GRID1: variants seen among roughly 807,000 people sequenced by gnomAD.
The protein encoded by GRID1 is glutamate receptor ionotropic, delta-1.
GRID1 carries 28 observed loss-of-function variants against 98.0 expected under a neutral mutation model. The ratio of observed to expected loss-of-function variants is 0.29; its 90% CI spans 0.21 to 0.39. The LOEUF (loss-of-function observed/expected upper bound fraction) is 0.39. Among genes scored for constraint, GRID1 ranks in the 10% least tolerant of loss-of-function variants. GRID1 has a pLI of 1.00. For missense variants in GRID1, 1,111 were observed against 1,340.5 expected (o/e 0.83, Z 2.67); for synonymous variants, 553 against 538.5 (o/e 1.03, Z -0.37).
intron 12 of GRID1, among the ~76,000 whole-genome samples, chr10:85,679,355 C>G (rs907143297): frequency 2.6e-5 from 4 of 152,176 alleles, no homozygotes; most frequent in African/African-American, 9.7e-5. Context: ...TACAGTATAT[C>G]CAGTAGGAAT....
chr10:85,751,224 G>A (rs2132686377), intron 8 of GRID1, among the ~76,000 whole-genome samples: 1 of 152,284 alleles, frequency 6.6e-6, no homozygotes, highest in South Asian at 2.1e-4. Flanking sequence ...GGTTGCCCTG[G>A]TTACAGGCCC....
At chr10:85,674,365 T>C (rs1841120908) in intron 12 of GRID1, among the ~76,000 whole-genome samples, 1 of 152,182 alleles carries the variant, frequency 6.6e-6, no homozygotes, top group Non-Finnish European at 1.5e-5. Context: ...AGAAATCCGA[T>C]GAATAAGAAC....
chr10:86,310,440 G>A (rs956711717), intron 2 of GRID1, among the ~76,000 whole-genome samples: 3 of 152,070 alleles, frequency 2.0e-5, no homozygotes, highest in Admixed American at 6.5e-5. Flanking sequence ...CCCTGTGTGG[G>A]GTAGAGGGGT....
chr10:85,966,157 C>G (rs1036295426), intron 4 of GRID1, among the ~76,000 whole-genome samples: 1 of 152,186 alleles, frequency 6.6e-6, no homozygotes, highest in Admixed American at 6.5e-5. Flanking sequence ...GTAGGAAAAG[C>G]CCTGTCCTTA....
At chr10:85,942,888 C>T (rs1036064798) in intron 4 of GRID1, among the ~76,000 whole-genome samples, 1 of 152,198 alleles carries the variant, frequency 6.6e-6, no homozygotes, top group African/African-American at 2.4e-5. Flanking sequence ...AATAAAGATA[C>T]ACAGCTTAGT....
chr10:85,894,961 T>A (rs1229353197), intron 5 of GRID1, among the ~76,000 whole-genome samples: 1 of 146,294 alleles, frequency 6.8e-6, no homozygotes, highest in Non-Finnish European at 1.5e-5. Flanking sequence ...TGAACCAAGA[T>A]TGTGTCACTG....
intron 4 of GRID1, among the ~76,000 whole-genome samples, chr10:85,936,072 G>T (rs78277397): frequency 1.1e-3 from 165 of 152,156 alleles, no homozygotes; most frequent in African/African-American, 3.7e-3. Context: ...TGGTGTAGGG[G>T]TTCTATGGAG....
chr10:85,787,075 A>T (rs1286887848), intron 8 of GRID1, among the ~76,000 whole-genome samples: 1 of 152,180 alleles, frequency 6.6e-6, no homozygotes, highest in African/African-American at 2.4e-5. Context: ...AGAGCACAGC[A>T]CCCATGGAAG....
chr10:86,212,434 AG>A (rs897702892), intron 2 of GRID1, among the ~76,000 whole-genome samples: 1 of 152,224 alleles, frequency 6.6e-6, no homozygotes, highest in African/African-American at 2.4e-5. Context: ...CCACCTGGGG[AG>A]AAACAACCTG....
In GRID1 at chr10:86,219,210, G is replaced by A. The variant is rs1444434715; in HGVS notation, c.236-12562C>T. On this transcript the variant is annotated intron_variant, in intron 2 of 15. Transcript: ENST00000327946. ...TGGCCTGAAGCCTGCCAATGGGCAG[G>A]TCTAGCCCATTCCCTCAAGGGGAAT... 7.2e-5 allele frequency among the ~76,000 whole-genome samples: 11 copies of A among 152,284 alleles called. 4 individuals carry two copies. The highest frequency in any genetic ancestry group is 6.5e-4 in the Admixed American group (10 of 15,300).
chr10:85,862,496 T>C (rs765966097), intron 6 of GRID1, among the ~76,000 whole-genome samples: 4 of 152,148 alleles, frequency 2.6e-5, no homozygotes, highest in African/African-American at 7.2e-5. Flanking sequence ...TTCCCTGAGA[T>C]AGCAGGATCC....
chr10:85,790,748 A>G (rs1489955100), intron 8 of GRID1, among the ~76,000 whole-genome samples: 1 of 152,198 alleles, frequency 6.6e-6, no homozygotes, highest in Non-Finnish European at 1.5e-5. Context: ...CATCTGAGAC[A>G]GAGAACAGCA....
At chr10:86,099,483 C>T (rs1034240329) in intron 4 of GRID1, among the ~76,000 whole-genome samples, 2 of 152,096 alleles carry the variant, frequency 1.3e-5, no homozygotes, top group African/African-American at 2.4e-5. Flanking sequence ...CGAGAAGCCA[C>T]GACCCAGGCC....
chr10:86,125,162 G>A (rs970637902), intron 4 of GRID1, among the ~76,000 whole-genome samples: 1 of 152,212 alleles, frequency 6.6e-6, no homozygotes, highest in African/African-American at 2.4e-5. Flanking sequence ...TCTGGCAGTC[G>A]AACATAAAAG....
intron 2 of GRID1, among the ~76,000 whole-genome samples, chr10:86,275,280 A>AT (rs1847252034): frequency 6.6e-6 from 1 of 152,198 alleles, no homozygotes; most frequent in Non-Finnish European, 1.5e-5. Context: ...CTAAAAAAAA[A>AT]CAGCAGCCTC....
intron 3 of GRID1, among the ~76,000 whole-genome samples, chr10:86,144,522 G>C (rs749663418): frequency 6.6e-6 from 1 of 152,084 alleles, no homozygotes; most frequent in African/African-American, 2.4e-5. Flanking sequence ...CTGCTTGCCC[G>C]GTACATCCCG....
intron 8 of GRID1, among the ~76,000 whole-genome samples, chr10:85,796,477 T>A (rs1181176822): frequency 6.6e-6 from 1 of 152,156 alleles, no homozygotes; most frequent in African/African-American, 2.4e-5. Flanking sequence ...AGTAAATGTC[T>A]CCAACTTATG....
intron 8 of GRID1, among the ~76,000 whole-genome samples, chr10:85,768,258 C>A (rs1842216475): frequency 6.6e-6 from 1 of 152,036 alleles, no homozygotes. Context: ...ACACAACACA[C>A]AATACACCAG....
At chr10:86,121,559 CATT>C (rs1844675214) in intron 4 of GRID1, among the ~76,000 whole-genome samples, 1 of 142,208 alleles carries the variant, frequency 7.0e-6, no homozygotes, top group Non-Finnish European at 1.6e-5. Flanking sequence ...ATCTCACCAT[CATT>C]ATCACCATCA....
Sources: allele counts gnomAD v4.1 joint callset (sites outside exome capture counted in the v4.1 genomes callset), GRCh38; gene constraint gnomAD v4.1.1; transcripts MANE v1.5; gene names NCBI Gene and HGNC (gene_info 2026-07-23, HGNC 2026-07-21).